The following NUP155 variants were observed in gnomAD, a reference collection of about 807,000 sequenced individuals.
The protein encoded by NUP155 is nuclear pore complex protein Nup155.
In NUP155, 71 loss-of-function variants were observed where a neutral mutation model predicts 180.4. That is an observed-to-expected ratio of 0.39 (90% confidence interval 0.33 to 0.48). The LOEUF (loss-of-function observed/expected upper bound fraction) is 0.48. Among genes scored for constraint, NUP155 ranks in the 20% least tolerant of loss-of-function variants. The pLI is 0.91. For synonymous variants in NUP155, 582 were observed against 559.5 expected, an observed-to-expected ratio of 1.04 and a Z score of -0.57; for missense variants, 1,553 against 1,648.9, an observed-to-expected ratio of 0.94 and a Z score of 1.01.
At chr5:37,331,140 C>T (rs1430461704) in intron 14 of NUP155, among the ~76,000 whole-genome samples, 2 of 143,880 alleles carry the variant, frequency 1.4e-5, no homozygotes, top group Admixed American at 1.4e-4. Flanking sequence ...CAGAGCGAGA[C>T]TCTGTCTCAA....
rs1310935665 is a variant in NUP155, at chr5:37,291,970, G to A, written c.4106C>T (p.Ser1369Leu). Residue 1369 changes from serine (S) to leucine (L), a missense_variant, in exon 35 of 35, where the codon TCG (serine) becomes TTG (leucine). Transcript: ENST00000231498. ...AGTGATGGCTTGTACTGCTACTGAC[G>A]AGCTCATAGACTGGAGCTCAACAAG... ...GYLVELQSMS[S>L]SVAVQAITGN... 9.3e-6 allele frequency: 15 copies of A among 1,613,706 alleles called. No homozygotes were observed. Among genetic ancestry groups the A allele is most frequent in the Non-Finnish European group, 1.2e-5 (14 of 1,179,794 alleles).
chr5:37,319,795 T>C (rs1744126647), intron 20 of NUP155, among the ~76,000 whole-genome samples: 1 of 151,994 alleles, frequency 6.6e-6, no homozygotes, highest in Admixed American at 6.6e-5. Context: ...CACTTGAAGC[T>C]GGGAGGTCAA....
rs762586796 is a variant in NUP155, at chr5:37,324,048, C to A, written c.2151G>T (p.Leu717Phe). Residue 717 changes from leucine to phenylalanine, a missense_variant, in exon 20 of 35, where the codon TTG becomes TTT. Transcript: ENST00000231498. ...LESVLQELKG[L>F]QEFLDRNSQF... ...GGGAGTTTCTGTCTAGAAATTCCTG[C>A]AAACCCTTTAGTTCTTGTAGCACTG... The A allele has an allele frequency of 5.3e-5, 86 of 1,613,786 alleles. No homozygotes were observed. Among genetic ancestry groups the A allele is most frequent in the Non-Finnish European group, 6.9e-5 (82 of 1,179,894 alleles).
intron 12 of NUP155, among the ~76,000 whole-genome samples, chr5:37,336,040 C>A (rs577558213): frequency 6.6e-6 from 1 of 152,228 alleles, no homozygotes; most frequent in Non-Finnish European, 1.5e-5. Context: ...GTTCTAATGT[C>A]TTTTATGACT....
In NUP155 at chr5:37,290,698, G is replaced by A. The variant is rs1012979586; in HGVS notation, c.*1202C>T. The A allele has an allele frequency of 6.6e-6, 1 of 152,142 alleles. No individual in the cohort carries two copies. The highest frequency in any genetic ancestry group is 2.4e-5 in the African/African-American group (1 of 41,430). The allele number at this position is 152,142 out of a possible 1,614,324, so 9.4% of individuals were successfully genotyped here. A position where few individuals can be genotyped will look rare whatever the true frequency, so the allele number is the denominator to read the frequency against. On this transcript the variant is annotated 3_prime_UTR_variant, in exon 35 of 35. Transcript: ENST00000231498. The stretch of plus-strand genomic sequence containing the variant: ...TTATTCACAGAGGAGGAGCCAGATA[G>A]GTAGCTCAGTCCATAAACTATGGAA...
intron 27 of NUP155, among the ~76,000 whole-genome samples, chr5:37,303,952 A>G (rs1743004880): frequency 6.6e-6 from 1 of 151,830 alleles, no homozygotes; most frequent in Non-Finnish European, 1.5e-5. Flanking sequence ...GCCTCAAAAA[A>G]GAAAAGGAAA....
At chr5:37,360,919 T>C (rs1346750027) in intron 3 of NUP155, among the ~76,000 whole-genome samples, 1 of 151,992 alleles carries the variant, frequency 6.6e-6, no homozygotes, top group Non-Finnish European at 1.5e-5. Context: ...AAATGAGGTA[T>C]ATAACAAAAG....
chr5:37,330,240 C>A, intron 14 of NUP155, 108 bp from the exon 15 acceptor site: 1 of 756,720 alleles, frequency 1.3e-6, no homozygotes, highest in Non-Finnish European at 2.3e-6. Context: ...AGCAGGCATT[C>A]AATAAATACT....
At chr5:37,356,125 A>G (rs1746810470) in intron 4 of NUP155, among the ~76,000 whole-genome samples, 2 of 150,920 alleles carry the variant, frequency 1.3e-5, no homozygotes, top group South Asian at 4.2e-4. Context: ...GCTACTTGGG[A>G]GGCTGAGGCA....
chr5:37,369,143 T>A (rs1393421686), intron 1 of NUP155, among the ~76,000 whole-genome samples: 2 of 152,038 alleles, frequency 1.3e-5, no homozygotes, highest in African/African-American at 2.4e-5. Context: ...TCCCAGCTAC[T>A]GGGGAGGGCA....
At position 37,350,187 on chromosome 5, in the gene NUP155, A is replaced by C. The variant is rs1746364832; in HGVS notation, c.802T>G (p.Leu268Val). 1 of 1,613,712 alleles carries C rather than the reference A, an allele frequency of 6.2e-7. No individual in the cohort carries two copies. Among genetic ancestry groups the C allele is most frequent in the African/African-American group, 1.3e-5 (1 of 74,924 alleles). ...KSSLSFLVPS[L>V]LQFTFSEDDP... is the part of the protein sequence containing the mutation. ...TCTTCTGAGAACGTGAATTGTAGCA[A>C]GGAAGGAACAAGGAAAGAAAGTGAG... Residue 268 changes from leucine (L) to valine (V), a missense_variant, in exon 7 of 35, where the codon TTG becomes GTG. By Grantham distance (32) the Leu-to-Val change is conservative. Coordinates refer to ENST00000231498, the MANE Select transcript of NUP155 (RefSeq NM_153485.3).
Position 37,296,699 on chromosome 5 carries a change from A to AT in NUP155, c.3793+2168dup, listed in dbSNP as rs1742600707. Among the ~76,000 whole-genome samples, 4 of 149,084 alleles carry AT rather than the reference A, an allele frequency of 2.7e-5. No homozygotes were observed. In the South Asian group the frequency reaches 8.3e-4, roughly 31 times the overall value. Reference sequence around the variant, plus strand: ...AAGAATGATCAATAAAAATAAATAAATAAATAAATAAATAAATAGGTTTCC... The same window carrying AT: ...AAGAATGATCAATAAAAATAAATAAATTAAATAAATAAATAAATAGGTTTCC... On this transcript the variant is annotated intron_variant, in intron 32 of 34. Coordinates refer to ENST00000231498, the MANE Select transcript of NUP155 (RefSeq NM_153485.3).
chr5:37,303,722 G>A (rs924135962), intron 27 of NUP155, among the ~76,000 whole-genome samples: 4 of 152,194 alleles, frequency 2.6e-5, no homozygotes, highest in Admixed American at 2.0e-4. Context: ...GAGGTGGGCA[G>A]ATCATGTGAG....
intron 9 of NUP155, among the ~76,000 whole-genome samples, chr5:37,347,414 A>G (rs1365226643): frequency 6.6e-6 from 1 of 151,700 alleles, no homozygotes; most frequent in Non-Finnish European, 1.5e-5. Flanking sequence ...AAGAGTCTCA[A>G]GCTGGGCACG....
intron 3 of NUP155, among the ~76,000 whole-genome samples, chr5:37,362,445 T>C (rs935590789): frequency 6.6e-6 from 1 of 151,976 alleles, no homozygotes; most frequent in South Asian, 2.1e-4. Context: ...TGTGCCACCA[T>C]GCCAGGCTAA....
At chr5:37,360,167 C>T (rs181503435) in intron 3 of NUP155, among the ~76,000 whole-genome samples, 60 of 151,574 alleles carry the variant, frequency 4.0e-4, no homozygotes, top group Admixed American at 2.2e-3. Flanking sequence ...TAAAGAATTT[C>T]GACAAAAAGA....
At chr5:37,294,908 A>T (rs189973742) in intron 32 of NUP155, among the ~76,000 whole-genome samples, 1 of 152,300 alleles carries the variant, frequency 6.6e-6, no homozygotes, top group Admixed American at 6.5e-5. Flanking sequence ...AAATGTCCTA[A>T]AATTAAAATT....
rs549993155 is a variant in NUP155 at position 37,299,298 on chromosome 5, A to AC, written c.3682+149dup. 1.9e-3 allele frequency: 1,565 copies of AC among 836,230 alleles called. 12 individuals carry two copies. The African/African-American group carries it at 0.023, about 12-fold the overall frequency. 51.8% of individuals were successfully genotyped at this position (836,230 alleles called of 1,614,324 possible). ...TCTGTGTATGATCATCCTCCACCAT[A>AC]CCCAGGTGACTTCCACTTACTCTCT... On this transcript the variant is annotated intron_variant, in intron 31 of 34. Transcript: ENST00000231498.
In NUP155 at chr5:37,325,914, C is replaced by T; in HGVS notation, c.2078G>A (p.Arg693Lys). Residue 693 changes from arginine (R) to lysine (K), a missense_variant, in exon 19 of 35, where the codon AGA (arginine) becomes AAA (lysine). Coordinates refer to ENST00000231498, the MANE Select transcript of NUP155 (RefSeq NM_153485.3). ...VVERIFKSGN[R>K]EITAIESSVP... ...ATACACACTTACTGCAGTGATCTCT[C>T]TGTTGCCACTCTTGAATATTCTCTC... The T allele has an allele frequency of 6.2e-7, 1 of 1,608,002 alleles. No individual in the cohort carries two copies. The highest frequency in any genetic ancestry group is 8.5e-7 in the Non-Finnish European group (1 of 1,175,386).
Sources: gnomAD v4.1 joint callset for allele counts (sites outside exome capture counted in the v4.1 genomes callset) on GRCh38, gnomAD v4.1.1 for gene constraint, MANE v1.5 for transcripts, NCBI Gene and HGNC (gene_info 2026-07-23, HGNC 2026-07-21) for gene names.